ACAN: variants seen among roughly 807,000 people sequenced by gnomAD.
The protein encoded by ACAN is aggrecan, also known as aggrecan core protein.
In ACAN, 47 loss-of-function variants were observed where a neutral mutation model predicts 169.1. The ratio of observed to expected loss-of-function variants is 0.28; its 90% CI spans 0.22 to 0.35. The LOEUF is 0.35. ACAN is among the 10% of genes least tolerant of loss of function. The pLI is 1.00. For missense variants in ACAN, 2,716 were observed against 2,759.9 expected (o/e 0.98, Z 0.36); for synonymous variants, 1,115 against 1,112.2 (o/e 1.00, Z -0.05).
chr15:88,871,503 C>T lies in ACAN; in HGVS notation c.7182C>T (p.Ser2394=), dbSNP rs368404569. The change falls in exon 15 of 19, where the codon AGC becomes AGT. Residue 2394 remains serine, a synonymous_variant. Coordinates refer to ENST00000560601, the MANE Select transcript of ACAN (RefSeq NM_001369268.1). The surrounding 1 kb of genome is among the most constrained non-coding windows in gnomAD (Gnocchi z 7.8). The stretch of plus-strand genomic sequence containing the variant: ...GTCGGGAGCAGCAGTCACACCTGAG[C>T]AGCATCGTCACCCCCGAGGAGCAGG... The part of the protein sequence containing the change: ...RRCREQQSHL[S]SIVTPEEQEF... 4.3e-6 allele frequency: 7 copies of T among 1,613,730 alleles called. No individual in the cohort carries two copies. In the East Asian group the frequency reaches 6.7e-5, roughly 15 times the overall value.
rs897798209 is a variant in ACAN at position 88,872,335 on chromosome 15, G to A, written c.7302+250G>A. Among the ~76,000 whole-genome samples the A allele has an allele frequency of 2.0e-5, 3 of 152,224 alleles. No individual in the cohort carries two copies. The highest frequency in any genetic ancestry group is 4.4e-5 in the Non-Finnish European group (3 of 68,038). Reference sequence around the variant, plus strand: ...ATGAAGGAATAACAGCCACCACCATGAGGAGTATACGGAAGCTTTAGAGAG... The same window carrying A: ...ATGAAGGAATAACAGCCACCACCATAAGGAGTATACGGAAGCTTTAGAGAG... On this transcript the variant is annotated intron_variant, in intron 16 of 18. Coordinates refer to ENST00000560601, the MANE Select transcript of ACAN (RefSeq NM_001369268.1). The surrounding 1 kb of genome is among the most constrained non-coding windows in gnomAD (Gnocchi z 5.4).
chr15:88,859,524 C>G, intron 12 of ACAN, 107 bp downstream of exon 12: 1 of 1,468,358 alleles, frequency 6.8e-7, no homozygotes, highest in Non-Finnish European at 9.3e-7. Flanking sequence ...AACAACTCCA[C>G]CAAAGGTTAG....
At chr15:88,816,510 C>A (rs1401694162) in intron 1 of ACAN, among the ~76,000 whole-genome samples, 1 of 152,190 alleles carries the variant, frequency 6.6e-6, no homozygotes, top group African/African-American at 2.4e-5. Context: ...ATACTTCACA[C>A]TGAAGCAGCA....
In ACAN at chr15:88,849,693, C is replaced by G; in HGVS notation, c.1988C>G (p.Pro663Arg). The G allele has an allele frequency of 6.2e-7, 1 of 1,613,854 alleles. No individual in the cohort carries two copies. Among genetic ancestry groups the G allele is most frequent in the Non-Finnish European group, 8.5e-7 (1 of 1,179,842 alleles). The change falls in exon 10 of 19, where the codon CCA (proline) becomes CGA (arginine). Residue 663 changes from proline to arginine, a missense_variant. By Grantham distance (103) the Pro-to-Arg change is moderately radical. This residue lies in a region of ACAN where 1,283 missense variants were observed against 1,281.5 expected (regional missense o/e 1.00). Transcript: ENST00000560601. The surrounding 1 kb of genome is among the most constrained non-coding windows in gnomAD (Gnocchi z 5.1). ...VYLYPNQTGL[P>R]DPLSRHHAFC... is the part of the protein sequence containing the mutation. ...CTCTACCCTAACCAGACGGGCCTCCCAGACCCACTGTCCCGGCACCATGCC... is the reference window on the plus strand; with the variant it reads ...CTCTACCCTAACCAGACGGGCCTCCGAGACCCACTGTCCCGGCACCATGCC...
intron 1 of ACAN, among the ~76,000 whole-genome samples, chr15:88,825,250 T>G (rs764884629): frequency 1.3e-5 from 2 of 152,070 alleles, no homozygotes; most frequent in African/African-American, 2.4e-5. Flanking sequence ...CAAGCTCCCT[T>G]TTGCTCCCAC....
In ACAN at chr15:88,849,524, A is replaced by T. The variant is rs949781604; in HGVS notation, c.1819A>T (p.Thr607Ser). 1 of 1,606,176 alleles carries T rather than the reference A, an allele frequency of 6.2e-7. No individual in the cohort carries two copies. Among genetic ancestry groups the T allele is most frequent in the Admixed American group, 1.7e-5 (1 of 58,968 alleles). ...FCESHNATLA[T>S]TGQLYAAWSR... ...TGAATCTCACAATGCTACGCTGGCCACCACGGGCCAGCTCTACGCCGCCTG... is the reference window on the plus strand; with the variant it reads ...TGAATCTCACAATGCTACGCTGGCCTCCACGGGCCAGCTCTACGCCGCCTG... Residue 607 changes from threonine to serine, a missense_variant, in exon 10 of 19, where the codon ACC becomes TCC. Thr to Ser is a moderately conservative substitution (Grantham distance 58). Coordinates refer to ENST00000560601, the MANE Select transcript of ACAN (RefSeq NM_001369268.1). The surrounding 1 kb of genome is among the most constrained non-coding windows in gnomAD (Gnocchi z 5.1).
chr15:88,831,096 T>A (rs1896350240), intron 1 of ACAN, among the ~76,000 whole-genome samples: 1 of 152,328 alleles, frequency 6.6e-6, no homozygotes, highest in East Asian at 1.9e-4. Context: ...TCTGCTGATA[T>A]CCATCATAAC....
chr15:88,808,134 C>T (rs1163879135), intron 1 of ACAN, among the ~76,000 whole-genome samples: 1 of 152,184 alleles, frequency 6.6e-6, no homozygotes, highest in Admixed American at 6.5e-5. Flanking sequence ...AATGCCTGAC[C>T]TGGGAGACAG....
intron 1 of ACAN, among the ~76,000 whole-genome samples, chr15:88,809,532 C>A (rs1252716544): frequency 6.6e-6 from 1 of 152,208 alleles, no homozygotes; most frequent in Non-Finnish European, 1.5e-5. Context: ...CAGGCACATA[C>A]AACAGACTAG....
intron 1 of ACAN, among the ~76,000 whole-genome samples, chr15:88,831,040 AAAAG>A (rs1896347993): frequency 1.3e-5 from 2 of 152,162 alleles, no homozygotes; most frequent in African/African-American, 2.4e-5. Context: ...CTCAAAAAGG[AAAAG>A]AAAGAAAAAG....
intron 2 of ACAN, among the ~76,000 whole-genome samples, chr15:88,836,697 G>A (rs1034519755): frequency 6.6e-6 from 1 of 152,234 alleles, no homozygotes; most frequent in African/African-American, 2.4e-5. Context: ...GAGACAGCCA[G>A]AGAAAAGCCC....
chr15:88,817,442 A>G (rs1895968785), intron 1 of ACAN, among the ~76,000 whole-genome samples: 1 of 152,124 alleles, frequency 6.6e-6, no homozygotes. Flanking sequence ...GTGCCTGGCC[A>G]AATGTAGATT....
In ACAN at chr15:88,874,251, G is replaced by A. The variant is rs1400782195; in HGVS notation, c.7631-154G>A. On this transcript the variant is annotated intron_variant, in intron 18 of 18. Coordinates refer to ENST00000560601, the MANE Select transcript of ACAN (RefSeq NM_001369268.1). This position sits in a 1 kb window ranked among gnomAD's most constrained non-coding sequence, Gnocchi z 7.3. ...AGGATGAAGGAGAAAAAGCCAGAAA[G>A]TCCAAGAAAAATCCAAATCAGGAAA... Among the ~76,000 whole-genome samples, 1 of 152,168 alleles carries A rather than the reference G, an allele frequency of 6.6e-6. No individual in the cohort carries two copies. The highest frequency in any genetic ancestry group is 2.4e-5 in the African/African-American group (1 of 41,436).
chr15:88,840,421 G>T (rs758224989), intron 4 of ACAN, among the ~76,000 whole-genome samples: 1 of 152,164 alleles, frequency 6.6e-6, no homozygotes, highest in African/African-American at 2.4e-5. Flanking sequence ...TAGCAACCTT[G>T]CCCTACATGT....
chr15:88,873,904 T>C lies in ACAN; in HGVS notation c.7510T>C (p.Tyr2504His). 6.2e-7 allele frequency: 1 copy of C among 1,613,768 alleles called. No homozygotes were observed. Among genetic ancestry groups the C allele is most frequent in the Non-Finnish European group, 8.5e-7 (1 of 1,179,880 alleles). Reference sequence around the variant, plus strand: ...GACCTTCGGGCAGAAGAAGGACCGGTATGAGATCAATTCCCTGGTGCGGTA... The same window carrying C: ...GACCTTCGGGCAGAAGAAGGACCGGCATGAGATCAATTCCCTGGTGCGGTA... ...ARTFGQKKDR[Y>H]EINSLVRYQC... Residue 2504 changes from tyrosine (Y) to histidine (H), a missense_variant, in exon 18 of 19, where the codon TAT (tyrosine) becomes CAT (histidine). Physicochemically the swap from Tyr to His is moderately conservative, Grantham distance 83. Transcript: ENST00000560601. This position sits in a 1 kb window ranked among gnomAD's most constrained non-coding sequence, Gnocchi z 7.5.
In ACAN at chr15:88,849,618, C is replaced by T. The variant is rs776122536; in HGVS notation, c.1913C>T (p.Thr638Ile). The T allele has an allele frequency of 3.7e-6, 6 of 1,612,272 alleles. 1 individual carries two copies. The South Asian group carries it at 6.6e-5, about 18-fold the overall frequency. Reference sequence around the variant, plus strand: ...GGCAGCCTCCGCTACCCCATCGTCACCCCAAGGCCTGCCTGCGGTGGGGAC... The same window carrying T: ...GGCAGCCTCCGCTACCCCATCGTCATCCCAAGGCCTGCCTGCGGTGGGGAC... ...ADGSLRYPIV[T>I]PRPACGGDKP... is the part of the protein sequence containing the mutation. Residue 638 changes from threonine (T) to isoleucine (I), a missense_variant, in exon 10 of 19, where the codon ACC becomes ATC. By Grantham distance (89) the Thr-to-Ile change is moderately conservative. Coordinates refer to ENST00000560601, the MANE Select transcript of ACAN (RefSeq NM_001369268.1). The surrounding 1 kb of genome is among the most constrained non-coding windows in gnomAD (Gnocchi z 5.1).
At chr15:88,840,214 G>A (rs767189330) in intron 4 of ACAN, 28 bp downstream of exon 4, 9 of 1,553,128 alleles carry the variant, frequency 5.8e-6, no homozygotes, top group South Asian at 1.2e-5. Context: ...AGCTAGTGGG[G>A]GCCAGGAGTC....
At position 88,839,676 on chromosome 15, in the gene ACAN, G is replaced by C. The variant is rs1896598356; in HGVS notation, c.455-336G>C. Among the ~76,000 whole-genome samples, 1 of 152,218 alleles carries C rather than the reference G, an allele frequency of 6.6e-6. No homozygotes were observed. The highest frequency in any genetic ancestry group is 6.5e-5 in the Admixed American group (1 of 15,280). On this transcript the variant is annotated intron_variant, in intron 3 of 18. Transcript: ENST00000560601. The surrounding 1 kb of genome is among the most constrained non-coding windows in gnomAD (Gnocchi z 4.5). Reference sequence around the variant, plus strand: ...GCTGAGGGTGCAGGGCATTCTGAGTGTCTGTTTCTCTTAATGCAATATGGG... The same window carrying C: ...GCTGAGGGTGCAGGGCATTCTGAGTCTCTGTTTCTCTTAATGCAATATGGG...
intron 1 of ACAN, among the ~76,000 whole-genome samples, chr15:88,806,962 A>C (rs1474139724): frequency 6.6e-6 from 1 of 152,182 alleles, no homozygotes; most frequent in Non-Finnish European, 1.5e-5. Context: ...AGCCCTCTAT[A>C]AGGGTATGTA....
Sources: gnomAD v4.1 joint callset for allele counts (sites outside exome capture counted in the v4.1 genomes callset) on GRCh38, gnomAD v4.1.1 for gene constraint, gnomAD v4.1.1 regional missense constraint, Gnocchi (gnomAD v3.1) non-coding constraint, MANE v1.5 for transcripts, NCBI Gene and HGNC (gene_info 2026-07-23, HGNC 2026-07-21) for gene names.